The following TPX2 variants were observed in gnomAD, a reference collection of about 807,000 sequenced individuals.
TPX2 encodes the protein targeting protein for Xklp2.
Under a neutral mutation model 93.6 loss-of-function variants are expected in TPX2, and 21 were observed. The observed-to-expected ratio is 0.22, with a 90% CI of 0.16 to 0.32. The LOEUF (loss-of-function observed/expected upper bound fraction) is 0.32. Ranked by LOEUF, TPX2 falls within the 10% of genes least tolerant of loss-of-function variation. TPX2 has a pLI of 1.00. For missense variants in TPX2, 776 were observed against 871.1 expected (o/e 0.89, Z 1.37); for synonymous variants, 281 against 298.3 (o/e 0.94, Z 0.60).
intron 10 of TPX2, among the ~76,000 whole-genome samples, chr20:31,780,538 C>G (rs2062026932): frequency 1.3e-5 from 2 of 152,068 alleles, no homozygotes. Context: ...CTAGTCCTGG[C>G]AAAAGGAAAG....
intron 17 of TPX2, among the ~76,000 whole-genome samples, chr20:31,799,897 C>CAAAAA (rs533016889): frequency 1.1e-4 from 7 of 63,978 alleles, no homozygotes; most frequent in Non-Finnish European, 1.2e-4. Flanking sequence ...GAGACTGTCT[C>CAAAAA]AAAAAAAAAA....
At chr20:31,786,409 T>TTTTTTTGTTTTTTG (rs1555787882) in intron 12 of TPX2, among the ~76,000 whole-genome samples, 60 of 146,982 alleles carry the variant, frequency 4.1e-4, no homozygotes, top group Admixed American at 9.4e-4. Flanking sequence ...TGTTTTTTTT[T>TTTTTTTGTTTTTTG]TTTTTTGAGA....
chr20:31,756,881 C>T (rs1217776707), intron 2 of TPX2, among the ~76,000 whole-genome samples: 1 of 152,156 alleles, frequency 6.6e-6, no homozygotes, highest in Non-Finnish European at 1.5e-5. Flanking sequence ...CCCGCCTCAG[C>T]CTCTCGAAGT....
At chr20:31,766,141 ACTACT>A (rs1417056972) in intron 4 of TPX2, among the ~76,000 whole-genome samples, 4 of 152,174 alleles carry the variant, frequency 2.6e-5, no homozygotes, top group African/African-American at 9.7e-5. Flanking sequence ...ATTTTTTATC[ACTACT>A]CTAAAGACAT....
Position 31,753,735 on chromosome 20 carries a change from G to C in TPX2, c.-70-3672G>C, listed in dbSNP as rs556006732. 5.9e-5 allele frequency among the ~76,000 whole-genome samples: 9 copies of C among 152,258 alleles called. 1 individual carries two copies. The South Asian group carries it at 1.9e-3, about 32-fold the overall frequency. On this transcript the variant is annotated intron_variant, in intron 2 of 17. Coordinates refer to ENST00000300403, the MANE Select transcript of TPX2 (RefSeq NM_012112.5). ...TATAAATGAAATATTTGTTATAACA[G>C]ATGTTTCTGGCCGGGTGCGGTTGCT...
At chr20:31,755,534 T>G (rs923602549) in intron 2 of TPX2, among the ~76,000 whole-genome samples, 13 of 151,206 alleles carry the variant, frequency 8.6e-5, no homozygotes, top group African/African-American at 3.2e-4. Context: ...GAGGCCGAGG[T>G]GGGTGGATCA....
rs375506341 is a variant in TPX2, at chr20:31,766,938, A to G, written c.356+256A>G. On this transcript the variant is annotated intron_variant, in intron 5 of 17. Transcript: ENST00000300403. ...TGCCTCAGCCTCCTGAGTAGCTGGG[A>G]TTATAGGCACCTGCCACCACACCCG... 1.7e-3 allele frequency among the ~76,000 whole-genome samples: 255 copies of G among 151,132 alleles called. 3 individuals carry two copies. Among genetic ancestry groups the G allele is most frequent in the African/African-American group, 6.0e-3 (247 of 41,160 alleles).
At chr20:31,758,119 ATTTTTTTTTTT>A (rs35354345) in intron 3 of TPX2, among the ~76,000 whole-genome samples, 1 of 115,272 alleles carries the variant, frequency 8.7e-6, no homozygotes, top group East Asian at 2.5e-4. Flanking sequence ...CCCTCAATTC[ATTTTTTTTTTT>A]TTTTTTTTTG....
chr20:31,787,961 G>A lies in TPX2; in HGVS notation c.1413+4040G>A, dbSNP rs999930502. Among the ~76,000 whole-genome samples the A allele has an allele frequency of 8.5e-5, 13 of 152,116 alleles. 1 individual carries two copies. Among genetic ancestry groups the A allele is most frequent in the Non-Finnish European group, 2.9e-5 (2 of 68,028 alleles). On this transcript the variant is annotated intron_variant, in intron 12 of 17. Coordinates refer to ENST00000300403, the MANE Select transcript of TPX2 (RefSeq NM_012112.5). Reference sequence around the variant, plus strand: ...TTCAAGTGGGCAAATTGTGAGGGAGGTATGTACCTTTTTCATCTTTGAATG... The same window carrying A: ...TTCAAGTGGGCAAATTGTGAGGGAGATATGTACCTTTTTCATCTTTGAATG...
chr20:31,782,873 C>G (rs1183034574), intron 11 of TPX2, among the ~76,000 whole-genome samples: 1 of 143,658 alleles, frequency 7.0e-6, no homozygotes, highest in East Asian at 2.1e-4. Flanking sequence ...GCGAGACTGT[C>G]TTGCACATAC....
intron 4 of TPX2, among the ~76,000 whole-genome samples, chr20:31,760,907 GA>G (rs2061885833): frequency 6.6e-6 from 1 of 152,078 alleles, no homozygotes; most frequent in African/African-American, 2.4e-5. Flanking sequence ...TGGATCTGCA[GA>G]ATATTGTCTG....
chr20:31,797,806 G>T (rs2062147364), intron 16 of TPX2, among the ~76,000 whole-genome samples: 1 of 152,172 alleles, frequency 6.6e-6, no homozygotes, highest in South Asian at 2.1e-4. Flanking sequence ...ACAAGTAAAT[G>T]AGGGAGGGAG....
chr20:31,759,520 T>A, intron 3 of TPX2, among the ~76,000 whole-genome samples: 1 of 150,422 alleles, frequency 6.6e-6, no homozygotes, highest in East Asian at 2.0e-4. Flanking sequence ...CTGCCTCAGC[T>A]TCTCAAGTAG....
At chr20:31,793,510 T>G (rs935344723) in intron 13 of TPX2, among the ~76,000 whole-genome samples, 2 of 152,198 alleles carry the variant, frequency 1.3e-5, no homozygotes, top group African/African-American at 2.4e-5. Flanking sequence ...AGTCACATGT[T>G]TTAATGAAGT....
intron 15 of TPX2, among the ~76,000 whole-genome samples, chr20:31,796,692 A>G (rs2062140705): frequency 6.6e-6 from 1 of 151,398 alleles, no homozygotes; most frequent in South Asian, 2.1e-4. Context: ...GGCTTGATTC[A>G]ATTCTGGTTA....
At position 31,778,736 on chromosome 20, in the gene TPX2, G is replaced by A. The variant is rs938160699; in HGVS notation, c.883-77G>A. ...CACAGGCCTTTTTTATTGATCCTCT[G>A]TGCCGAATATGTGGCTTATGGTAGA... is the stretch of plus-strand genomic sequence containing the variant. On this transcript the variant is annotated intron_variant, in intron 9 of 17. Transcript: ENST00000300403. The A allele has an allele frequency of 6.6e-6, 9 of 1,372,318 alleles. No homozygotes were observed. The East Asian group carries it at 2.0e-4, about 30-fold the overall frequency. 85.0% of individuals were successfully genotyped at this position (1,372,318 alleles called of 1,614,324 possible). A position where few individuals can be genotyped will look rare whatever the true frequency, so the allele number is the denominator to read the frequency against.
intron 2 of TPX2, among the ~76,000 whole-genome samples, chr20:31,757,017 G>A (rs1476008455): frequency 6.6e-6 from 1 of 151,904 alleles, no homozygotes; most frequent in African/African-American, 2.4e-5. Context: ...TTTAGAGATA[G>A]GGTCAACTAC....
intron 4 of TPX2, among the ~76,000 whole-genome samples, chr20:31,764,955 TTTTTG>T (rs1168398787): frequency 2.7e-5 from 4 of 148,970 alleles, no homozygotes; most frequent in Non-Finnish European, 4.5e-5. Flanking sequence ...TGTTTTTTTG[TTTTTG>T]TTTTTTTTTT....
chr20:31,794,625 T>C, intron 15 of TPX2, 77 bp downstream of exon 15: 1 of 1,545,954 alleles, frequency 6.5e-7, no homozygotes, highest in Non-Finnish European at 8.7e-7. Flanking sequence ...CATACTGAAA[T>C]CACCTGGGTT....
Sources: gnomAD v4.1 joint callset for allele counts (sites outside exome capture counted in the v4.1 genomes callset) on GRCh38, gnomAD v4.1.1 for gene constraint, MANE v1.5 for transcripts, NCBI Gene and HGNC (gene_info 2026-07-23, HGNC 2026-07-21) for gene names.